Variants in RB1 observed in about 807,000 individuals in gnomAD.
RB1 encodes retinoblastoma-associated protein.
Under a neutral mutation model 135.4 loss-of-function variants are expected in RB1, and 18 were observed. The ratio of observed to expected loss-of-function variants is 0.13; its 90% CI spans 0.09 to 0.20. The LOEUF is 0.20. RB1 is among the 10% of genes least tolerant of loss of function. The probability of loss-of-function intolerance (pLI) is 1.00; values close to 1 mark genes in which losing one functional copy is unlikely to be tolerated. For synonymous variants in RB1, 365 were observed against 373.2 expected, an observed-to-expected ratio of 0.98 and a Z score of 0.25; for missense variants, 868 against 1,110.0, an observed-to-expected ratio of 0.78 and a Z score of 3.10.
intron 17 of RB1, among the ~76,000 whole-genome samples, chr13:48,386,149 A>C (rs1948570257): frequency 2.0e-5 from 3 of 152,132 alleles, no homozygotes; most frequent in Admixed American, 1.3e-4. Context: ...CAAAAAAATA[A>C]AAAATAAAAA....
intron 2 of RB1, chr13:48,328,224 C>T: frequency 1.4e-6 from 2 of 1,440,896 alleles, no homozygotes; most frequent in East Asian, 4.6e-5. Context: ...ATTCTTCATC[C>T]TCATCTTTGC....
chr13:48,380,271 T>C, intron 16 of RB1, 30 bp downstream of exon 16: 1 of 1,483,292 alleles, frequency 6.7e-7, no homozygotes, highest in Non-Finnish European at 9.4e-7. Flanking sequence ...ATAAACACTT[T>C]TGTTCAATTT....
At chr13:48,364,798 A>G in intron 8 of RB1, 96 bp from the exon 9 acceptor site, 1 of 1,375,708 alleles carries the variant, frequency 7.3e-7, no homozygotes, top group Non-Finnish European at 9.8e-7. Flanking sequence ...TGCATGGGGG[A>G]TTGACACCTC....
chr13:48,413,910 G>A (rs371783703), intron 17 of RB1, among the ~76,000 whole-genome samples: 4 of 152,004 alleles, frequency 2.6e-5, no homozygotes, highest in Non-Finnish European at 4.4e-5. Context: ...CAAAATTTTA[G>A]GTTCATAGTC....
chr13:48,395,431 C>T (rs1205664767), intron 17 of RB1, among the ~76,000 whole-genome samples: 1 of 151,996 alleles, frequency 6.6e-6, no homozygotes, highest in African/African-American at 2.4e-5. Context: ...CAAACTCCTC[C>T]GAGCTAAAGG....
intron 10 of RB1, 59 bp downstream of exon 10, chr13:48,367,662 G>T: frequency 6.4e-7 from 1 of 1,559,426 alleles, no homozygotes. Flanking sequence ...ACTGATATAG[G>T]TAGATTATAT....
intron 17 of RB1, among the ~76,000 whole-genome samples, chr13:48,407,971 C>A (rs1948754707): frequency 6.6e-6 from 1 of 151,984 alleles, no homozygotes; most frequent in South Asian, 2.1e-4. Flanking sequence ...TGACAAAGGA[C>A]AAAATACTTG....
intron 6 of RB1, among the ~76,000 whole-genome samples, chr13:48,352,492 T>TG (rs1262253027): frequency 6.6e-6 from 1 of 152,062 alleles, no homozygotes; most frequent in East Asian, 1.9e-4. Context: ...TCCATGAGCA[T>TG]GGGATGTTTT....
At chr13:48,450,195 C>A (rs1949318186) in intron 17 of RB1, among the ~76,000 whole-genome samples, 1 of 151,668 alleles carries the variant, frequency 6.6e-6, no homozygotes, top group Non-Finnish European at 1.5e-5. Context: ...ATCATGAAAT[C>A]TTTCCCCATG....
chr13:48,464,377 C>A (rs186926674), intron 21 of RB1, among the ~76,000 whole-genome samples: 2 of 152,062 alleles, frequency 1.3e-5, no homozygotes, highest in African/African-American at 4.8e-5. Context: ...CAAACCAAGT[C>A]ATTTTTGTTT....
At chr13:48,359,954 ATT>A in intron 6 of RB1, 61 bp from the exon 7 acceptor site, 1 of 1,596,244 alleles carries the variant, frequency 6.3e-7, no homozygotes, top group Non-Finnish European at 8.5e-7. Context: ...CTACCCTGCG[ATT>A]TTCTCTCATA....
chr13:48,442,129 A>G (rs1593520467), intron 17 of RB1, among the ~76,000 whole-genome samples: 1 of 151,958 alleles, frequency 6.6e-6, no homozygotes, highest in Admixed American at 6.6e-5. Context: ...GAACTTTCCT[A>G]TTCCTCTTTT....
chr13:48,359,345 A>T (rs1593442989), intron 6 of RB1, among the ~76,000 whole-genome samples: 2 of 151,404 alleles, frequency 1.3e-5, no homozygotes, highest in South Asian at 4.2e-4. Context: ...TTATCTCTTA[A>T]TGGTTTTGGT....
intron 2 of RB1, among the ~76,000 whole-genome samples, chr13:48,336,492 T>C (rs1952386622): frequency 6.6e-6 from 1 of 152,194 alleles, no homozygotes; most frequent in South Asian, 2.1e-4. Context: ...TATAGTATTC[T>C]CTGATGGTAG....
chr13:48,476,507 T>C, intron 24 of RB1, 194 bp from the exon 25 acceptor site: 3 of 551,474 alleles, frequency 5.4e-6, no homozygotes, highest in South Asian at 4.1e-5. Context: ...GGGTGTTTAA[T>C]TGGGGATGGA....
intron 17 of RB1, chr13:48,411,965 A>G (rs746683607): frequency 1.2e-6 from 2 of 1,612,356 alleles, no homozygotes; most frequent in South Asian, 2.2e-5. Flanking sequence ...TAGACTGAAC[A>G]AAAACGGCGG....
chr13:48,304,166 G>A, intron 1 of RB1, 117 bp downstream of exon 1: 2 of 1,165,854 alleles, frequency 1.7e-6, no homozygotes, highest in Non-Finnish European at 2.2e-6. Flanking sequence ...GTCCCGGCGG[G>A]AGGAGGCGCC....
chr13:48,452,704 C>G (rs1949335129), intron 17 of RB1, among the ~76,000 whole-genome samples: 1 of 152,008 alleles, frequency 6.6e-6, no homozygotes, highest in African/African-American at 2.4e-5. Context: ...ATTTCTTTCT[C>G]TCCACTTTCT....
intron 3 of RB1, among the ~76,000 whole-genome samples, chr13:48,343,821 T>C (rs948450108): frequency 6.6e-6 from 1 of 152,218 alleles, no homozygotes; most frequent in Non-Finnish European, 1.5e-5. Context: ...TTCTATTCTT[T>C]GTCATTTCTA....
Sources: allele counts gnomAD v4.1 joint callset (sites outside exome capture counted in the v4.1 genomes callset), GRCh38; gene constraint gnomAD v4.1.1; transcripts MANE v1.5; gene names NCBI Gene and HGNC (gene_info 2026-07-23, HGNC 2026-07-21).